CHN2: variants seen among roughly 807,000 people sequenced by gnomAD.
CHN2 encodes chimerin 2, also known as beta-chimaerin.
In CHN2, 35 loss-of-function variants were observed where a neutral mutation model predicts 56.3. The ratio of observed to expected loss-of-function variants is 0.62; its 90% confidence interval spans 0.47 to 0.82. CHN2 has a LOEUF of 0.82. Ranked by LOEUF, CHN2 falls within the 40% of genes least tolerant of loss-of-function variation. The pLI is 0.00. For missense variants in CHN2, 491 were observed against 580.5 expected (o/e 0.85, Z 1.58); for synonymous variants, 210 against 212.8 (o/e 0.99, Z 0.12).
intron 6 of CHN2, among the ~76,000 whole-genome samples, chr7:29,461,271 C>T (rs56389028): frequency 0.12 from 18,533 of 152,226 alleles, 1,201 homozygotes; most frequent in South Asian, 0.2. Context: ...GCAAGACAGT[C>T]ACCACCATGT....
chr7:29,500,177 T>A (rs1278369614), intron 9 of CHN2, 137 bp downstream of exon 9: 21 of 460,244 alleles, frequency 4.6e-5, no homozygotes, highest in Middle Eastern at 5.6e-4. Flanking sequence ...ACACACACAC[T>A]CTCTCTCTCT....
rs144959982 is a variant in CHN2, at chr7:29,313,757, C to T, written c.50-40868C>T. ...CTCCTTCTTCTCCCCTCTGGCTCTTCGTGTTCATACCCTTTATCTCCTCTA... is the reference window on the plus strand; with the variant it reads ...CTCCTTCTTCTCCCCTCTGGCTCTTTGTGTTCATACCCTTTATCTCCTCTA... On this transcript the variant is annotated intron_variant, in intron 1 of 12. Coordinates refer to ENST00000222792, the MANE Select transcript of CHN2 (RefSeq NM_004067.4). 2.1e-3 allele frequency among the ~76,000 whole-genome samples: 322 copies of T among 152,286 alleles called. 1 individual carries two copies. Among genetic ancestry groups the T allele is most frequent in the African/African-American group, 7.4e-3 (306 of 41,558 alleles).
intron 6 of CHN2, among the ~76,000 whole-genome samples, chr7:29,406,408 G>T (rs1405101918): frequency 6.6e-6 from 1 of 152,120 alleles, no homozygotes; most frequent in Non-Finnish European, 1.5e-5. Flanking sequence ...CTTGGTTGAG[G>T]GGTACCTGTG....
At chr7:29,236,147 A>C (rs990533152) in intron 1 of CHN2, among the ~76,000 whole-genome samples, 1 of 152,218 alleles carries the variant, frequency 6.6e-6, no homozygotes, top group Non-Finnish European at 1.5e-5. Flanking sequence ...CTTGTCTTGA[A>C]ATAAGCTTCC....
intron 7 of CHN2, among the ~76,000 whole-genome samples, chr7:29,485,148 A>T (rs893667551): frequency 6.6e-6 from 1 of 152,180 alleles, no homozygotes; most frequent in African/African-American, 2.4e-5. Flanking sequence ...GAAAGTGTCT[A>T]TTTGCTGTAG....
chr7:29,460,537 G>A (rs559336903), intron 6 of CHN2, among the ~76,000 whole-genome samples: 13 of 152,268 alleles, frequency 8.5e-5, no homozygotes, highest in African/African-American at 1.2e-4. Context: ...GATGTTCCTC[G>A]GACAAAGGAT....
At chr7:29,489,608 C>A (rs1046859458) in intron 7 of CHN2, among the ~76,000 whole-genome samples, 11 of 152,136 alleles carry the variant, frequency 7.2e-5, no homozygotes, top group Non-Finnish European at 1.5e-4. Context: ...TAAACAATGG[C>A]CCATCACCAA....
chr7:29,505,253 A>G (rs1790441797), intron 10 of CHN2, among the ~76,000 whole-genome samples: 1 of 152,214 alleles, frequency 6.6e-6, no homozygotes, highest in South Asian at 2.1e-4. Flanking sequence ...GTCAGATATC[A>G]TGGCCATCCT....
intron 2 of CHN2, among the ~76,000 whole-genome samples, chr7:29,158,400 T>C (rs1247198055): frequency 6.6e-6 from 1 of 152,218 alleles, no homozygotes; most frequent in Non-Finnish European, 1.5e-5. Flanking sequence ...TGATGTCTGA[T>C]CCATAACCAA....
In CHN2 at chr7:29,473,236, G is replaced by A. The variant is rs557690782; in HGVS notation, c.577-7043G>A. Among the ~76,000 whole-genome samples the A allele has an allele frequency of 3.3e-5, 5 of 152,278 alleles. No individual in the cohort carries two copies. In the South Asian group the frequency reaches 1.0e-3, roughly 32 times the overall value. On this transcript the variant is annotated intron_variant, in intron 6 of 12. Transcript: ENST00000222792. ...GATCATATTTTGTGTTTGAAACAAC[G>A]TTAATTCCTTTGGAGGGGATTTAGT...
chr7:29,417,461 G>C (rs1487961463), intron 6 of CHN2, among the ~76,000 whole-genome samples: 1 of 150,958 alleles, frequency 6.6e-6, no homozygotes, highest in African/African-American at 2.4e-5. Context: ...TCAGCCTCCC[G>C]AGTAGCTAGG....
intron 6 of CHN2, among the ~76,000 whole-genome samples, chr7:29,425,207 C>T (rs968462867): frequency 6.6e-6 from 1 of 152,210 alleles, no homozygotes; most frequent in Non-Finnish European, 1.5e-5. Context: ...GCACTTCAGA[C>T]CAGTAAAGTA....
intron 1 of CHN2, among the ~76,000 whole-genome samples, chr7:29,307,805 G>T (rs1216335639): frequency 6.6e-6 from 1 of 152,170 alleles, no homozygotes; most frequent in African/African-American, 2.4e-5. Flanking sequence ...TCCAATTGGG[G>T]CCATGTGGAA....
chr7:29,424,302 A>T (rs1486027743), intron 6 of CHN2, among the ~76,000 whole-genome samples: 1 of 152,172 alleles, frequency 6.6e-6, no homozygotes, highest in African/African-American at 2.4e-5. Context: ...GATGCCGGGG[A>T]CATAGTAGAG....
At chr7:29,431,673 T>G (rs1782869784) in intron 6 of CHN2, among the ~76,000 whole-genome samples, 1 of 151,652 alleles carries the variant, frequency 6.6e-6, no homozygotes, top group Non-Finnish European at 1.5e-5. Context: ...AAAGTGGGAG[T>G]GAATGGGGCA....
At chr7:29,211,976 G>A (rs1024090060) in intron 1 of CHN2, among the ~76,000 whole-genome samples, 12 of 152,042 alleles carry the variant, frequency 7.9e-5, no homozygotes, top group Non-Finnish European at 1.3e-4. Context: ...AACAATGATC[G>A]CATCATAGCC....
At chr7:29,311,539 T>A (rs1372747305) in intron 1 of CHN2, among the ~76,000 whole-genome samples, 2 of 152,206 alleles carry the variant, frequency 1.3e-5, no homozygotes, top group Non-Finnish European at 2.9e-5. Flanking sequence ...CTAAGCAACT[T>A]GCAAAGACAT....
intron 2 of CHN2, among the ~76,000 whole-genome samples, chr7:29,181,658 C>T (rs1451630944): frequency 1.3e-5 from 2 of 152,028 alleles, no homozygotes; most frequent in Non-Finnish European, 2.9e-5. Flanking sequence ...TTTATTATGG[C>T]CTCCAACTAG....
intron 1 of CHN2, among the ~76,000 whole-genome samples, chr7:29,283,870 G>T (rs1487844648): frequency 6.8e-6 from 1 of 146,658 alleles, no homozygotes; most frequent in Non-Finnish European, 1.5e-5. Context: ...GCCTGCCTCT[G>T]CCTCCCAAAA....
Sources: gnomAD v4.1 joint callset for allele counts (sites outside exome capture counted in the v4.1 genomes callset) on GRCh38, gnomAD v4.1.1 for gene constraint, MANE v1.5 for transcripts, NCBI Gene and HGNC (gene_info 2026-07-23, HGNC 2026-07-21) for gene names.